The following TOX3 variants were observed in gnomAD, a reference collection of about 807,000 sequenced individuals.
TOX3 encodes the protein TOX high mobility group box family member 3, also known as CAG trinucleotide repeat-containing gene F9 protein.
Under a neutral mutation model 64.3 loss-of-function variants are expected in TOX3, and 22 were observed. The ratio of observed to expected loss-of-function variants is 0.34; its 90% confidence interval spans 0.24 to 0.49. TOX3 has a LOEUF of 0.49. Ranked by LOEUF, TOX3 falls within the 20% of genes least tolerant of loss-of-function variation. TOX3 has a pLI of 0.99. For missense variants in TOX3, 661 were observed against 714.4 expected (o/e 0.93, Z 0.85); for synonymous variants, 291 against 273.6 (o/e 1.06, Z -0.63).
chr16:52,487,084 AAT>A (rs1381072529), intron 1 of TOX3, among the ~76,000 whole-genome samples: 1 of 152,136 alleles, frequency 6.6e-6, no homozygotes, highest in African/African-American at 2.4e-5. Flanking sequence ...ATGGTACATA[AAT>A]GGAAATCCTT....
chr16:52,464,324 A>G, intron 2 of TOX3, 136 bp from the exon 3 acceptor site: 2 of 1,011,228 alleles, frequency 2.0e-6, no homozygotes, highest in Non-Finnish European at 2.6e-6. Context: ...AAATGAAAAT[A>G]TCTTAAACAC....
rs145550006 is a variant in TOX3, at chr16:52,442,179, G to A, written c.987+2097C>T. On this transcript the variant is annotated intron_variant, in intron 6 of 6. Transcript: ENST00000219746. ...TTGCCTGCCTTCTTGTTCCTTTATG[G>A]CTTAATAGTAAGCTTCCATGAATTT... 2.6e-5 allele frequency among the ~76,000 whole-genome samples: 4 copies of A among 152,218 alleles called. No homozygotes were observed. The East Asian group carries it at 7.7e-4, about 29-fold the overall frequency.
chr16:52,503,117 G>C (rs879909574), intron 1 of TOX3, among the ~76,000 whole-genome samples: 43 of 152,176 alleles, frequency 2.8e-4, no homozygotes, highest in Admixed American at 9.2e-4. Flanking sequence ...ATTATTATTA[G>C]TATCTACCTT....
rs143346065 is a variant in TOX3, at chr16:52,512,788, T to C, written c.87+33849A>G. 1.5e-4 allele frequency among the ~76,000 whole-genome samples: 22 copies of C among 151,518 alleles called. No homozygotes were observed. In the East Asian group the frequency reaches 4.1e-3, roughly 28 times the overall value. ...CAGAAGAAAGAATCAATGGAAAAGC[T>C]CTGAGTTAGGAATGTGGCTGGCATG... On this transcript the variant is annotated intron_variant, in intron 1 of 6. Coordinates refer to ENST00000219746, the MANE Select transcript of TOX3 (RefSeq NM_001080430.4).
At chr16:52,467,717 T>G (rs2151758562) in intron 2 of TOX3, among the ~76,000 whole-genome samples, 1 of 152,320 alleles carries the variant, frequency 6.6e-6, no homozygotes, top group Non-Finnish European at 1.5e-5. Flanking sequence ...TTTTATCTAA[T>G]CAAGATTGAG....
intron 5 of TOX3, 111 bp from the exon 6 acceptor site, chr16:52,444,467 T>G: frequency 1.2e-6 from 1 of 823,164 alleles, no homozygotes; most frequent in Middle Eastern, 2.8e-4. Flanking sequence ...AAGGTTGGTC[T>G]CCTTGGCTTT....
At chr16:52,479,962 C>T (rs571479842) in intron 1 of TOX3, among the ~76,000 whole-genome samples, 122 of 152,284 alleles carry the variant, frequency 8.0e-4, no homozygotes, top group Non-Finnish European at 1.3e-3. Context: ...ACCTTCCCCT[C>T]CCCTAGCTGG....
intron 1 of TOX3, among the ~76,000 whole-genome samples, chr16:52,541,670 G>A (rs142464114): frequency 4.6e-5 from 7 of 152,230 alleles, no homozygotes; most frequent in South Asian, 2.1e-4. Flanking sequence ...TTGAAATATC[G>A]ACACATACTT....
Position 52,464,183 on chromosome 16 carries a change from T to C in TOX3, c.159A>G (p.Thr53=), listed in dbSNP as rs770912191. 10 of 1,523,968 alleles carry C rather than the reference T, an allele frequency of 6.6e-6. No homozygotes were observed. The South Asian group carries it at 1.2e-4, about 18-fold the overall frequency. The allele number at this position is 1,523,968 out of a possible 1,614,324, so 94.4% of individuals were successfully genotyped here. The change falls in exon 3 of 7, where the codon ACA becomes ACG. Residue 53 remains threonine (T), a synonymous_variant. Transcript: ENST00000219746. ...CGTCCCCAAGGCTTGGTGTGTGGAA[T>C]GTCTGCTAAAAGGAAACAAAATACA... is the stretch of plus-strand genomic sequence containing the variant. The part of the protein sequence containing the change: ...NNAFFAASEQ[T]FHTPSLGDEE...
intron 3 of TOX3, among the ~76,000 whole-genome samples, chr16:52,455,363 C>T (rs576482081): frequency 7.8e-4 from 118 of 152,090 alleles, no homozygotes; most frequent in Non-Finnish European, 1.6e-3. Flanking sequence ...CACTAGATAC[C>T]AGTAGCCGCC....
intron 2 of TOX3, among the ~76,000 whole-genome samples, chr16:52,465,719 G>GA (rs989392531): frequency 1.6e-4 from 24 of 151,156 alleles, no homozygotes; most frequent in Non-Finnish European, 3.5e-4. Context: ...AAAAACTCAA[G>GA]AAAAAAAAGC....
In TOX3 at chr16:52,547,014, G is replaced by A. The variant is rs1963213079; in HGVS notation, c.-291C>T. On this transcript the variant is annotated 5_prime_UTR_variant, in exon 1 of 7. Coordinates refer to ENST00000219746, the MANE Select transcript of TOX3 (RefSeq NM_001080430.4). Reference sequence around the variant, plus strand: ...GCCGGGCGCCGGGGGCGCGGGGCGCGGCGCTGGGGCCCGGGTCGGCGAGGC... The same window carrying A: ...GCCGGGCGCCGGGGGCGCGGGGCGCAGCGCTGGGGCCCGGGTCGGCGAGGC... 1 of 927,164 alleles carries A rather than the reference G, an allele frequency of 1.1e-6. No homozygotes were observed. The highest frequency in any genetic ancestry group is 1.3e-6 in the Non-Finnish European group (1 of 779,392). 57.4% of individuals were successfully genotyped at this position (927,164 alleles called of 1,614,324 possible).
chr16:52,531,122 A>G (rs1962844058), intron 1 of TOX3, among the ~76,000 whole-genome samples: 1 of 152,220 alleles, frequency 6.6e-6, no homozygotes, highest in Non-Finnish European at 1.5e-5. Context: ...AGGATTGGGG[A>G]GGATATTCGA....
At chr16:52,525,058 T>C (rs1454113216) in intron 1 of TOX3, among the ~76,000 whole-genome samples, 1 of 152,206 alleles carries the variant, frequency 6.6e-6, no homozygotes, top group Admixed American at 6.5e-5. Context: ...TATTGTTTTG[T>C]TGCTTTTTAA....
intron 1 of TOX3, among the ~76,000 whole-genome samples, chr16:52,489,226 T>C (rs1441945649): frequency 2.0e-5 from 3 of 152,114 alleles, no homozygotes; most frequent in African/African-American, 7.2e-5. Flanking sequence ...AATGTTCCAG[T>C]CCCATTCACC....
intron 1 of TOX3, 30 bp from the exon 2 acceptor site, chr16:52,468,604 T>C (rs867976534): frequency 6.5e-7 from 1 of 1,539,060 alleles, no homozygotes. Context: ...TTTACGTTAA[T>C]ATGCGGCATA....
At chr16:52,502,676 T>C (rs1414968255) in intron 1 of TOX3, among the ~76,000 whole-genome samples, 1 of 152,192 alleles carries the variant, frequency 6.6e-6, no homozygotes, top group Non-Finnish European at 1.5e-5. Flanking sequence ...AGAGGAAGTA[T>C]TTTTTAATAT....
intron 1 of TOX3, among the ~76,000 whole-genome samples, chr16:52,525,658 T>C (rs1304882294): frequency 2.0e-5 from 3 of 152,122 alleles, no homozygotes; most frequent in Admixed American, 6.5e-5. Context: ...TTCTAGAGAG[T>C]GCACATGCCA....
At chr16:52,453,309 G>A (rs575038795) in intron 3 of TOX3, among the ~76,000 whole-genome samples, 10 of 151,586 alleles carry the variant, frequency 6.6e-5, no homozygotes, top group African/African-American at 2.4e-4. Context: ...TTAGCCTCCT[G>A]AGTAGCTGAA....
Sources: allele counts gnomAD v4.1 joint callset (sites outside exome capture counted in the v4.1 genomes callset), GRCh38; gene constraint gnomAD v4.1.1; transcripts MANE v1.5; gene names NCBI Gene and HGNC (gene_info 2026-07-23, HGNC 2026-07-21).